FBLN1: variants seen among roughly 807,000 people sequenced by gnomAD.
FBLN1 encodes the protein fibulin 1, also known as fibulin-1.
FBLN1 carries 34 observed loss-of-function variants against 89.7 expected under a neutral mutation model. That is an observed-to-expected ratio of 0.38 (90% CI 0.29 to 0.50). The LOEUF is 0.50. Among genes scored for constraint, FBLN1 ranks in the 20% least tolerant of loss-of-function variants. The probability of loss-of-function intolerance (pLI) is 0.92; values close to 1 mark genes in which losing one functional copy is unlikely to be tolerated. For missense variants in FBLN1, 777 were observed against 988.1 expected, an observed-to-expected ratio of 0.79 and a Z score of 2.86; for synonymous variants, 393 against 391.3, an observed-to-expected ratio of 1.00 and a Z score of -0.05.
chr22:45,552,998 T>C (rs2088725219), intron 14 of FBLN1, among the ~76,000 whole-genome samples: 1 of 152,162 alleles, frequency 6.6e-6, no homozygotes, highest in Non-Finnish European at 1.5e-5. Flanking sequence ...TTCCCGGGGA[T>C]GGGACACGAG....
At chr22:45,510,443 C>T (rs571064979) in intron 1 of FBLN1, among the ~76,000 whole-genome samples, 124 of 152,224 alleles carry the variant, frequency 8.1e-4, no homozygotes, top group Non-Finnish European at 1.3e-3. Flanking sequence ...GGACTTGCTC[C>T]GGGTGGGAAA....
chr22:45,577,151 C>G lies in FBLN1; in HGVS notation c.1972+43C>G, dbSNP rs1430609959. 2 of 1,610,486 alleles carry G rather than the reference C, an allele frequency of 1.2e-6. No individual in the cohort carries two copies. Among genetic ancestry groups the G allele is most frequent in the Non-Finnish European group, 1.7e-6 (2 of 1,178,402 alleles). ...TCAGCTCTATCCAGGCACCCCTCCCCCTCCACCCCGAAACCCTCTCTGGCC... is the reference window on the plus strand; with the variant it reads ...TCAGCTCTATCCAGGCACCCCTCCCGCTCCACCCCGAAACCCTCTCTGGCC... On this transcript the variant is annotated intron_variant, in intron 16 of 16. Coordinates refer to ENST00000327858, the MANE Select transcript of FBLN1 (RefSeq NM_006486.3). This position sits in a 1 kb window ranked among gnomAD's most constrained non-coding sequence, Gnocchi z 6.6.
chr22:45,532,962 TC>T lies in FBLN1; in HGVS notation c.545-100del, dbSNP rs1569242932. 2.4e-5 allele frequency: 26 copies of T among 1,095,148 alleles called. No homozygotes were observed. The highest frequency in any genetic ancestry group is 2.7e-6 in the Non-Finnish European group (2 of 731,346). 67.8% of individuals were successfully genotyped at this position (1,095,148 alleles called of 1,614,324 possible). ...AGGTCAGCCTGCCTTCCTGGGTTCG[TC>T]TGCCCAGAGGGCGTTTTCTATGACC... is the stretch of plus-strand genomic sequence containing the variant. On this transcript the variant is annotated intron_variant, in intron 5 of 16. Transcript: ENST00000327858. This position sits in a 1 kb window ranked among gnomAD's most constrained non-coding sequence, Gnocchi z 4.2.
intron 16 of FBLN1, among the ~76,000 whole-genome samples, chr22:45,595,218 C>T (rs2089174133): frequency 6.6e-6 from 1 of 151,998 alleles, no homozygotes; most frequent in Non-Finnish European, 1.5e-5. Flanking sequence ...AAAGGGGGTC[C>T]TGGGTTGAGT....
chr22:45,560,581 C>T (rs1316105730), intron 14 of FBLN1, among the ~76,000 whole-genome samples: 3 of 152,158 alleles, frequency 2.0e-5, no homozygotes, highest in Non-Finnish European at 1.5e-5. Context: ...TTTAACTCCC[C>T]GAGTTGCAAC....
intron 16 of FBLN1, among the ~76,000 whole-genome samples, chr22:45,593,024 T>TA (rs1214353023): frequency 6.6e-6 from 1 of 152,092 alleles, no homozygotes. Flanking sequence ...GGCTGCACTT[T>TA]AGAAGGGAAG....
chr22:45,592,331 G>GT (rs1251003673), intron 16 of FBLN1, among the ~76,000 whole-genome samples: 1 of 152,046 alleles, frequency 6.6e-6, no homozygotes, highest in Non-Finnish European at 1.5e-5. Context: ...GTGCTTTTTT[G>GT]TTTTTTCTTT....
At position 45,573,680 on chromosome 22, in the gene FBLN1, C is replaced by CA. The variant is rs60082908; in HGVS notation, c.1698-810dup. ...TGGGTGACAGAGCGAGACTCTGTCT[C>CA]AAAAAAAAAAAAAAAAAAAAACCCA... On this transcript the variant is annotated intron_variant, in intron 14 of 16. Transcript: ENST00000327858. Among the ~76,000 whole-genome samples the CA allele has an allele frequency of 6.5e-3, 384 of 58,876 alleles. 17 individuals carry two copies. Among genetic ancestry groups the CA allele is most frequent in the East Asian group, 0.051 (93 of 1,810 alleles). The allele number at this position is 58,876 out of a possible 152,430, so 38.6% of individuals were successfully genotyped here.
Position 45,590,617 on chromosome 22 carries a change from G to A in FBLN1, c.1973-9690G>A, listed in dbSNP as rs1306672455. Among the ~76,000 whole-genome samples the A allele has an allele frequency of 6.6e-6, 1 of 152,202 alleles. No homozygotes were observed. The highest frequency in any genetic ancestry group is 1.5e-5 in the Non-Finnish European group (1 of 68,040). ...GGGTGAAAAGGAAGGTGGTACACGT[G>A]TTCAGGTAGATGCGACGAGGCCGGA... On this transcript the variant is annotated intron_variant, in intron 16 of 16. Transcript: ENST00000327858. The surrounding 1 kb of genome is among the most constrained non-coding windows in gnomAD (Gnocchi z 4.1).
Position 45,549,318 on chromosome 22 carries a change from C to G in FBLN1, c.1573+574C>G, listed in dbSNP as rs929500219. Among the ~76,000 whole-genome samples the G allele has an allele frequency of 7.9e-5, 12 of 152,194 alleles. No homozygotes were observed. The highest frequency in any genetic ancestry group is 2.7e-4 in the African/African-American group (11 of 41,442). ...AGTAGATGTTTGTGAGCGCGTGATC[C>G]TCAGTGTACACACTGCGCCCAGAAG... On this transcript the variant is annotated intron_variant, in intron 13 of 16. Transcript: ENST00000327858. This position sits in a 1 kb window ranked among gnomAD's most constrained non-coding sequence, Gnocchi z 5.7.
intron 11 of FBLN1, among the ~76,000 whole-genome samples, chr22:45,544,594 C>T (rs1602194620): frequency 6.6e-6 from 1 of 152,068 alleles, no homozygotes; most frequent in Admixed American, 6.5e-5. Context: ...TGGAGGTCAG[C>T]GCCTGTAGTC....
intron 3 of FBLN1, among the ~76,000 whole-genome samples, chr22:45,527,029 TG>T (rs2088338452): frequency 2.0e-5 from 3 of 151,996 alleles, no homozygotes; most frequent in Non-Finnish European, 4.4e-5. Context: ...ATGGATGAGG[TG>T]ACTGATGCTC....
chr22:45,574,486 C>T lies in FBLN1; in HGVS notation c.1698-25C>T, dbSNP rs772374259. 5.0e-6 allele frequency: 8 copies of T among 1,613,872 alleles called. No homozygotes were observed. In the African/African-American group the frequency reaches 8.0e-5, roughly 16 times the overall value. On this transcript the variant is annotated intron_variant, in intron 14 of 16. Transcript: ENST00000327858. This position sits in a 1 kb window ranked among gnomAD's most constrained non-coding sequence, Gnocchi z 4.1. Reference sequence around the variant, plus strand: ...GCTGCTGTCCCAGCTTCCCCGTCAGCCTCGTGTGCTGTGGTTCCCCTCAGG... The same window carrying T: ...GCTGCTGTCCCAGCTTCCCCGTCAGTCTCGTGTGCTGTGGTTCCCCTCAGG...
At chr22:45,508,171 C>G (rs573959409) in intron 1 of FBLN1, among the ~76,000 whole-genome samples, 194 of 152,294 alleles carry the variant, frequency 1.3e-3, no homozygotes, top group African/African-American at 4.5e-3. Flanking sequence ...CCCAGAGAGT[C>G]CAGGTAGCAA....
rs1009074176 is a variant in FBLN1, at chr22:45,562,595, G to C, written c.1698-11916G>C. Reference sequence around the variant, plus strand: ...CTGGGCAAGGGCCTGGGAAGGGCAGGGTGTGCCTGGGGAGTGCCCCTGGGG... The same window carrying C: ...CTGGGCAAGGGCCTGGGAAGGGCAGCGTGTGCCTGGGGAGTGCCCCTGGGG... On this transcript the variant is annotated intron_variant, in intron 14 of 16. Coordinates refer to ENST00000327858, the MANE Select transcript of FBLN1 (RefSeq NM_006486.3). This position sits in a 1 kb window ranked among gnomAD's most constrained non-coding sequence, Gnocchi z 7.8. Among the ~76,000 whole-genome samples, 3 of 152,344 alleles carry C rather than the reference G, an allele frequency of 2.0e-5. No homozygotes were observed. Among genetic ancestry groups the C allele is most frequent in the Admixed American group, 2.0e-4 (3 of 15,312 alleles).
At chr22:45,555,252 TATATATATATATAAA>T (rs1569254323) in intron 14 of FBLN1, among the ~76,000 whole-genome samples, 2 of 40,934 alleles carry the variant, frequency 4.9e-5, no homozygotes, top group Non-Finnish European at 1.5e-4. Flanking sequence ...AATATACATA[TATATATATATATAAA>T]ATGGAATATA....
At position 45,545,179 on chromosome 22, in the gene FBLN1, C is replaced by T. The variant is rs954889905; in HGVS notation, c.1321+1653C>T. ...GGGTCCTGGGCTTAGTTCACAAGAA[C>T]GTGTATGGACAAGGAACAAGATTCA... On this transcript the variant is annotated intron_variant, in intron 11 of 16. Transcript: ENST00000327858. This position sits in a 1 kb window ranked among gnomAD's most constrained non-coding sequence, Gnocchi z 5.9. Among the ~76,000 whole-genome samples the T allele has an allele frequency of 2.6e-4, 40 of 152,132 alleles. 1 individual carries two copies. Among genetic ancestry groups the T allele is most frequent in the African/African-American group, 8.0e-4 (33 of 41,428 alleles).
At chr22:45,506,865 T>C (rs1185285677) in intron 1 of FBLN1, among the ~76,000 whole-genome samples, 1 of 152,242 alleles carries the variant, frequency 6.6e-6, no homozygotes, top group African/African-American at 2.4e-5. Flanking sequence ...AGGTGAAGTT[T>C]ATTAGAACAG....
rs1405878389 is a variant in FBLN1 at position 45,576,417 on chromosome 22, TCCTCACCTTAC to T, written c.1841-559_1841-549del. Among the ~76,000 whole-genome samples, 1 of 151,998 alleles carries T rather than the reference TCCTCACCTTAC, an allele frequency of 6.6e-6. No homozygotes were observed. The highest frequency in any genetic ancestry group is 1.5e-5 in the Non-Finnish European group (1 of 67,994). ...TTTAGTGGGTCTCCGCCGGCTTCCT[TCCTCACCTTAC>T]AGGTGAGGAAACTGAGGCCCACAGA... is the stretch of plus-strand genomic sequence containing the variant. On this transcript the variant is annotated intron_variant, in intron 15 of 16. Transcript: ENST00000327858. This position sits in a 1 kb window ranked among gnomAD's most constrained non-coding sequence, Gnocchi z 5.2.
Sources: gnomAD v4.1 joint callset for allele counts (sites outside exome capture counted in the v4.1 genomes callset) on GRCh38, gnomAD v4.1.1 for gene constraint, Gnocchi (gnomAD v3.1) non-coding constraint, MANE v1.5 for transcripts, NCBI Gene and HGNC (gene_info 2026-07-23, HGNC 2026-07-21) for gene names.